MOCOS: variants seen among roughly 807,000 people sequenced by gnomAD.
MOCOS encodes the protein molybdenum cofactor sulfurase, also known as human molybdenum cofactor sulfurase.
In MOCOS, 86 loss-of-function variants were observed where a neutral mutation model predicts 83.6. That is an observed-to-expected ratio of 1.03 (90% CI 0.86 to 1.23). The LOEUF is 1.23. Ranked by LOEUF, MOCOS falls within the 50% of genes most tolerant of loss-of-function variation. MOCOS has a pLI of 0.00. For missense variants in MOCOS, 1,120 were observed against 1,126.9 expected (o/e 0.99, Z 0.09); for synonymous variants, 445 against 434.7 (o/e 1.02, Z -0.29).
At chr18:36,244,182 T>G (rs1189119072) in intron 9 of MOCOS, among the ~76,000 whole-genome samples, 1 of 152,126 alleles carries the variant, frequency 6.6e-6, no homozygotes, top group African/African-American at 2.4e-5. Context: ...TGATTTTTTC[T>G]TTATTCTCTA....
At chr18:36,227,458 T>A (rs924324498) in intron 9 of MOCOS, among the ~76,000 whole-genome samples, 5 of 151,938 alleles carry the variant, frequency 3.3e-5, no homozygotes, top group African/African-American at 1.2e-4. Context: ...TGCAGTGGCA[T>A]GATCCCAGCT....
chr18:36,235,938 C>T (rs76327731), intron 9 of MOCOS, among the ~76,000 whole-genome samples: 14 of 151,950 alleles, frequency 9.2e-5, no homozygotes, highest in East Asian at 3.9e-4. Flanking sequence ...TCTTTTGAGA[C>T]GTGTCTGTTC....
At chr18:36,239,541 G>A (rs570160565) in intron 9 of MOCOS, among the ~76,000 whole-genome samples, 13 of 150,568 alleles carry the variant, frequency 8.6e-5, no homozygotes, top group African/African-American at 2.2e-4. Context: ...AGGGTAACCC[G>A]ACCTTTCTCT....
At chr18:36,236,879 A>G (rs1366838551) in intron 9 of MOCOS, among the ~76,000 whole-genome samples, 1 of 150,582 alleles carries the variant, frequency 6.6e-6, no homozygotes, top group Non-Finnish European at 1.5e-5. Context: ...TAGGTATTTT[A>G]TTCTCTTTGA....
At chr18:36,189,413 A>G (rs765454583) in intron 1 of MOCOS, among the ~76,000 whole-genome samples, 1 of 152,106 alleles carries the variant, frequency 6.6e-6, no homozygotes, top group African/African-American at 2.4e-5. Context: ...GTCTTGGAAC[A>G]TGTCCACTTG....
At chr18:36,258,645 C>T (rs1156311506) in intron 12 of MOCOS, among the ~76,000 whole-genome samples, 2 of 152,104 alleles carry the variant, frequency 1.3e-5, no homozygotes, top group Admixed American at 1.3e-4. Context: ...TCTAACCATG[C>T]CTGAGGATTT....
rs1183643394 is a variant in MOCOS, at chr18:36,187,588, G to C, written c.49G>C (p.Gly17Arg). ...AGGGCGGGAGCTGTGGACCTTCGCG[G>C]GTTCCCGGGACCCGAGCGCACCGCG... ...ESGRELWTFA[G>R]SRDPSAPRLA... Residue 17 changes from glycine (G) to arginine (R), a missense_variant, in exon 1 of 15, where the codon GGT (glycine) becomes CGT (arginine). Physicochemically the swap from Gly to Arg is moderately radical, Grantham distance 125. Coordinates refer to ENST00000261326, the MANE Select transcript of MOCOS (RefSeq NM_017947.4). 1.6e-6 allele frequency: 2 copies of C among 1,248,260 alleles called. No homozygotes were observed. The highest frequency in any genetic ancestry group is 3.1e-5 in the East Asian group (1 of 32,302). 77.3% of individuals were successfully genotyped at this position (1,248,260 alleles called of 1,614,324 possible).
intron 1 of MOCOS, among the ~76,000 whole-genome samples, chr18:36,188,935 TC>T: frequency 6.8e-6 from 1 of 147,088 alleles, no homozygotes; most frequent in African/African-American, 2.5e-5. Flanking sequence ...TCTCTCTCTC[TC>T]TCAACTATTA....
intron 9 of MOCOS, among the ~76,000 whole-genome samples, chr18:36,222,843 G>A (rs947775031): frequency 3.3e-5 from 5 of 152,100 alleles, no homozygotes; most frequent in African/African-American, 1.2e-4. Context: ...CTTGTGATCT[G>A]CCTGCCTCGG....
At chr18:36,258,653 T>G (rs1243309906) in intron 12 of MOCOS, among the ~76,000 whole-genome samples, 1 of 152,114 alleles carries the variant, frequency 6.6e-6, no homozygotes, top group Non-Finnish European at 1.5e-5. Flanking sequence ...TGCCTGAGGA[T>G]TTACCTCACA....
intron 5 of MOCOS, among the ~76,000 whole-genome samples, chr18:36,204,557 T>C (rs747605870): frequency 1.3e-5 from 2 of 152,320 alleles, no homozygotes; most frequent in Admixed American, 6.5e-5. Context: ...ATGACAGGAA[T>C]GCCTATGGAA....
Position 36,199,967 on chromosome 18 carries a change from C to T in MOCOS, c.584C>T (p.Pro195Leu), listed in dbSNP as rs576207083. 4.8e-5 allele frequency: 78 copies of T among 1,614,214 alleles called. No homozygotes were observed. Among genetic ancestry groups the T allele is most frequent in the South Asian group, 4.0e-4 (36 of 91,076 alleles). The change falls in exon 4 of 15, where the codon CCG (proline) becomes CTG (leucine). Residue 195 changes from proline to leucine, a missense_variant. Transcript: ENST00000261326. Reference sequence around the variant, plus strand: ...GCCAGCAACCCAGACTGCCAGCTGCCGCATCTCTTCTGCTACCCAGCTCAG... The same window carrying T: ...GCCAGCAACCCAGACTGCCAGCTGCTGCATCTCTTCTGCTACCCAGCTCAG... ...ASASNPDCQL[P>L]HLFCYPAQSN...
intron 12 of MOCOS, among the ~76,000 whole-genome samples, chr18:36,258,341 C>T (rs2091650301): frequency 6.6e-6 from 1 of 152,144 alleles, no homozygotes; most frequent in African/African-American, 2.4e-5. Context: ...ACATGTTAAC[C>T]ATGATAGCTT....
At chr18:36,210,193 A>G (rs2091449184) in intron 6 of MOCOS, among the ~76,000 whole-genome samples, 1 of 152,218 alleles carries the variant, frequency 6.6e-6, no homozygotes, top group Non-Finnish European at 1.5e-5. Context: ...GTTAAACCCT[A>G]GATTTCCCAA....
chr18:36,245,551 T>A (rs2091599325), intron 9 of MOCOS, among the ~76,000 whole-genome samples: 1 of 152,220 alleles, frequency 6.6e-6, no homozygotes, highest in South Asian at 2.1e-4. Flanking sequence ...CTCACAGCTC[T>A]TTAGATTCTT....
chr18:36,257,050 A>G lies in MOCOS; in HGVS notation c.2247A>G (p.Glu749=). 6.2e-7 allele frequency: 1 copy of G among 1,614,048 alleles called. No individual in the cohort carries two copies. The highest frequency in any genetic ancestry group is 8.5e-7 in the Non-Finnish European group (1 of 1,179,920). The part of the protein sequence containing the change: ...YLLINTSSIL[E]LHRQLNTSDE... ...TGATCAACACATCCAGTATTTTGGA[A>G]CTTCACCGGCAACTAAACACCAGGT... Residue 749 remains glutamate (E), a synonymous_variant, in exon 12 of 15, where the codon GAA becomes GAG. Coordinates refer to ENST00000261326, the MANE Select transcript of MOCOS (RefSeq NM_017947.4).
rs1044903182 is a variant in MOCOS at position 36,257,964 on chromosome 18, T to C, written c.2270+891T>C. 2.6e-5 allele frequency among the ~76,000 whole-genome samples: 4 copies of C among 152,236 alleles called. No homozygotes were observed. The East Asian group carries it at 5.8e-4, about 22-fold the overall frequency. ...TAGTCACTCTTGTTTCTATCCATTG[T>C]TGAAAATATACAACATCATTCTCAT... On this transcript the variant is annotated intron_variant, in intron 12 of 14. Coordinates refer to ENST00000261326, the MANE Select transcript of MOCOS (RefSeq NM_017947.4).
chr18:36,226,382 A>G (rs1262955854), intron 9 of MOCOS, among the ~76,000 whole-genome samples: 2 of 152,002 alleles, frequency 1.3e-5, no homozygotes, highest in Non-Finnish European at 2.9e-5. Context: ...ATCTTTTTCC[A>G]TCTGTTTACT....
At chr18:36,232,617 A>G (rs1302308853) in intron 9 of MOCOS, among the ~76,000 whole-genome samples, 1 of 152,062 alleles carries the variant, frequency 6.6e-6, no homozygotes, top group Non-Finnish European at 1.5e-5. Context: ...TTTTGTACCC[A>G]TTAACCAACC....
Sources: allele counts gnomAD v4.1 joint callset (sites outside exome capture counted in the v4.1 genomes callset), GRCh38; gene constraint gnomAD v4.1.1; transcripts MANE v1.5; gene names NCBI Gene and HGNC (gene_info 2026-07-23, HGNC 2026-07-21).